The following FAT3 variants were observed in gnomAD, a reference collection of about 807,000 sequenced individuals.
The protein encoded by FAT3 is protocadherin Fat 3.
Under a neutral mutation model 310.2 loss-of-function variants are expected in FAT3, and 95 were observed. The observed-to-expected ratio is 0.31, with a 90% CI of 0.26 to 0.36. FAT3 has a LOEUF of 0.36. FAT3 is among the 10% of genes least tolerant of loss of function. The probability of loss-of-function intolerance (pLI) is 1.00; values close to 1 mark genes in which losing one functional copy is unlikely to be tolerated. For missense variants in FAT3, 5,408 were observed against 5,715.6 expected, an observed-to-expected ratio of 0.95 and a Z score of 1.74; for synonymous variants, 2,314 against 2,192.9, an observed-to-expected ratio of 1.06 and a Z score of -1.54.
intron 13 of FAT3, among the ~76,000 whole-genome samples, chr11:92,829,919 A>G (rs1276323502): frequency 1.3e-5 from 2 of 152,174 alleles, no homozygotes; most frequent in African/African-American, 4.8e-5. Context: ...TTTGCTGGGA[A>G]CTTGGGCTTA....
chr11:92,863,213 G>A (rs1949162303), intron 21 of FAT3, among the ~76,000 whole-genome samples: 1 of 152,030 alleles, frequency 6.6e-6, no homozygotes, highest in African/African-American at 2.4e-5. Flanking sequence ...AAGTAGCTAG[G>A]ACTACAGGCA....
At chr11:92,637,644 C>T (rs1436814773) in intron 3 of FAT3, among the ~76,000 whole-genome samples, 7 of 152,182 alleles carry the variant, frequency 4.6e-5, no homozygotes, top group Admixed American at 6.5e-5. Context: ...CTGACAGGAA[C>T]ATACGTTAAG....
intron 3 of FAT3, among the ~76,000 whole-genome samples, chr11:92,660,800 G>A (rs1565493945): frequency 6.6e-6 from 1 of 152,074 alleles, no homozygotes; most frequent in Non-Finnish European, 1.5e-5. Context: ...TGACTTCATG[G>A]GCTGAAGGGC....
chr11:92,450,152 C>T (rs777474947), intron 2 of FAT3, among the ~76,000 whole-genome samples: 1 of 152,210 alleles, frequency 6.6e-6, no homozygotes, highest in Non-Finnish European at 1.5e-5. Context: ...CTGTACTCAG[C>T]GTTGGCAGCC....
At chr11:92,309,587 TCTC>T (rs998733959) in intron 1 of FAT3, among the ~76,000 whole-genome samples, 17 of 152,104 alleles carry the variant, frequency 1.1e-4, no homozygotes, top group African/African-American at 4.1e-4. Flanking sequence ...CCTTCCCTTT[TCTC>T]CTCTCTTCTT....
intron 21 of FAT3, among the ~76,000 whole-genome samples, chr11:92,865,508 G>A (rs138569550): frequency 0.014 from 2,196 of 152,272 alleles, 52 homozygotes; most frequent in African/African-American, 0.05. Flanking sequence ...ACTAGTGTTA[G>A]TTGCATGACT....
At chr11:92,552,139 C>A (rs1186619024) in intron 3 of FAT3, among the ~76,000 whole-genome samples, 1 of 152,116 alleles carries the variant, frequency 6.6e-6, no homozygotes, top group African/African-American at 2.4e-5. Flanking sequence ...ATTGCCCATA[C>A]CCCGTGGTTG....
intron 3 of FAT3, among the ~76,000 whole-genome samples, chr11:92,564,655 A>G (rs530701334): frequency 1.3e-5 from 2 of 152,330 alleles, no homozygotes; most frequent in South Asian, 2.1e-4. Flanking sequence ...TCCTCAGTAA[A>G]TGTAAAAGAA....
intron 1 of FAT3, among the ~76,000 whole-genome samples, chr11:92,328,175 T>C (rs1947814809): frequency 6.6e-6 from 1 of 152,228 alleles, no homozygotes; most frequent in African/African-American, 2.4e-5. Flanking sequence ...CCTTACCCAC[T>C]CTTGCCCTCC....
chr11:92,248,142 T>C (rs1864997716), intron 1 of FAT3, among the ~76,000 whole-genome samples: 1 of 152,164 alleles, frequency 6.6e-6, no homozygotes, highest in African/African-American at 2.4e-5. Context: ...CTTTCCTTTT[T>C]CCCTCAGTCT....
intron 2 of FAT3, among the ~76,000 whole-genome samples, chr11:92,511,282 C>T (rs1295626245): frequency 6.6e-6 from 1 of 152,114 alleles, no homozygotes; most frequent in Non-Finnish European, 1.5e-5. Flanking sequence ...TCTTCATATG[C>T]GTTAAAGAAG....
intron 4 of FAT3, among the ~76,000 whole-genome samples, chr11:92,761,593 A>G (rs1946152720): frequency 6.6e-6 from 1 of 152,172 alleles, no homozygotes; most frequent in Admixed American, 6.5e-5. Flanking sequence ...TTATAGGGAC[A>G]TGAGTTCTGT....
At chr11:92,584,036 A>G (rs1331105308) in intron 3 of FAT3, among the ~76,000 whole-genome samples, 1 of 152,030 alleles carries the variant, frequency 6.6e-6, no homozygotes, top group African/African-American at 2.4e-5. Context: ...GACCTCAGGC[A>G]AGTTTCATAA....
intron 1 of FAT3, among the ~76,000 whole-genome samples, chr11:92,315,514 GA>G (rs1947431645): frequency 3.3e-5 from 2 of 60,344 alleles, no homozygotes; most frequent in East Asian, 4.5e-4. Flanking sequence ...TATATATATA[GA>G]GAGAGAGAGA....
chr11:92,264,165 A>T (rs1945869434), intron 1 of FAT3, among the ~76,000 whole-genome samples: 1 of 152,108 alleles, frequency 6.6e-6, no homozygotes. Context: ...TAATTTAATG[A>T]TATAAATGAT....
chr11:92,466,324 A>G (rs1000783818), intron 2 of FAT3, among the ~76,000 whole-genome samples: 1 of 152,200 alleles, frequency 6.6e-6, no homozygotes, highest in African/African-American at 2.4e-5. Context: ...ACAATCTCAA[A>G]TAGTTAAACC....
At chr11:92,532,017 T>C (rs1216328063) in intron 3 of FAT3, among the ~76,000 whole-genome samples, 2 of 152,120 alleles carry the variant, frequency 1.3e-5, no homozygotes, top group Non-Finnish European at 2.9e-5. Flanking sequence ...TGAGAACCAT[T>C]GCACTAACGT....
At position 92,866,995 on chromosome 11, in the gene FAT3, T is replaced by A. The variant is rs766333789; in HGVS notation, c.11913T>A (p.Thr3971=). The A allele has an allele frequency of 4.4e-6, 7 of 1,608,550 alleles. No individual in the cohort carries two copies. In the African/African-American group the frequency reaches 8.0e-5, roughly 18 times the overall value. Residue 3971 remains threonine (T), a synonymous_variant, in exon 22 of 28, where the codon ACT becomes ACA. Transcript: ENST00000525166. The part of the protein sequence containing the change: ...LVQADNIRSL[T]DTRVTQVLSG... ...AAGCGGATAACATCCGCAGCCTGACTGACACGCGGGTCACGCAGGTGCTCA... is the reference window on the plus strand; with the variant it reads ...AAGCGGATAACATCCGCAGCCTGACAGACACGCGGGTCACGCAGGTGCTCA...
rs1309457713 is a variant in FAT3, at chr11:92,789,927, CTTCTT to C, written c.4336-13_4336-9del. The C allele has an allele frequency of 6.2e-6, 10 of 1,610,622 alleles. No individual in the cohort carries two copies. Among genetic ancestry groups the C allele is most frequent in the South Asian group, 1.1e-5 (1 of 90,938 alleles). On this transcript the variant is annotated splice_polypyrimidine_tract_variant and intron_variant, in intron 7 of 27. Coordinates refer to ENST00000525166, the MANE Select transcript of FAT3 (RefSeq NM_001367949.2). ...AATTGGCATTAGTCATCATTCTTTT[CTTCTT>C]TTAACTACAGGTATTTATCAAAGTG...
Sources: gnomAD v4.1 joint callset for allele counts (sites outside exome capture counted in the v4.1 genomes callset) on GRCh38, gnomAD v4.1.1 for gene constraint, MANE v1.5 for transcripts, NCBI Gene and HGNC (gene_info 2026-07-23, HGNC 2026-07-21) for gene names.